PLAG1: variants seen among roughly 807,000 people sequenced by gnomAD.
PLAG1 encodes the protein zinc finger protein PLAG1.
Under a neutral mutation model 35.5 loss-of-function variants are expected in PLAG1, and 7 were observed. The observed-to-expected ratio is 0.20, with a 90% CI of 0.11 to 0.37. The LOEUF is 0.37. PLAG1 is among the 10% of genes least tolerant of loss of function. The probability of loss-of-function intolerance (pLI) is 1.00; values close to 1 mark genes in which losing one functional copy is unlikely to be tolerated. For synonymous variants in PLAG1, 229 were observed against 225.4 expected (o/e 1.02, Z -0.14); for missense variants, 454 against 602.8 (o/e 0.75, Z 2.58).
chr8:56,185,479 A>C (rs1191916546), intron 1 of PLAG1, among the ~76,000 whole-genome samples: 1 of 152,186 alleles, frequency 6.6e-6, no homozygotes, highest in Non-Finnish European at 1.5e-5. Context: ...GTACGAAAAT[A>C]AAACTTTCTG....
chr8:56,190,044 A>T (rs960848158), intron 1 of PLAG1, among the ~76,000 whole-genome samples: 1 of 152,228 alleles, frequency 6.6e-6, no homozygotes, highest in Admixed American at 6.5e-5. Flanking sequence ...GGTGACAGCA[A>T]GTCAAGTGGA....
chr8:56,166,152 T>C lies in PLAG1; in HGVS notation c.*91A>G. The C allele has an allele frequency of 2.3e-6, 2 of 874,008 alleles. No homozygotes were observed. 54.1% of individuals were successfully genotyped at this position (874,008 alleles called of 1,614,324 possible). A position where few individuals can be genotyped will look rare whatever the true frequency, so the allele number is the denominator to read the frequency against. On this transcript the variant is annotated 3_prime_UTR_variant, in exon 5 of 5. Coordinates refer to ENST00000316981, the MANE Select transcript of PLAG1 (RefSeq NM_002655.3). ...TGTATTATACAAAAGCAGAAATTTT[T>C]ATACTGTTTTAAAGTAGGCACTAAA...
chr8:56,210,658 G>A (rs530331668), intron 1 of PLAG1, among the ~76,000 whole-genome samples: 4 of 152,222 alleles, frequency 2.6e-5, no homozygotes, highest in African/African-American at 9.6e-5. Context: ...AATGCGGAGA[G>A]TTTACTCTCA....
intron 1 of PLAG1, among the ~76,000 whole-genome samples, chr8:56,181,251 T>C (rs543677559): frequency 7.2e-5 from 11 of 152,294 alleles, no homozygotes; most frequent in African/African-American, 2.6e-4. Flanking sequence ...CATTCTACTA[T>C]AAAGACACAT....
At chr8:56,178,735 T>C (rs1184823527) in intron 2 of PLAG1, among the ~76,000 whole-genome samples, 1 of 152,056 alleles carries the variant, frequency 6.6e-6, no homozygotes, top group African/African-American at 2.4e-5. Flanking sequence ...CTGGGGGTCC[T>C]GGCCTCTCAA....
intron 1 of PLAG1, among the ~76,000 whole-genome samples, chr8:56,181,416 A>T (rs1052969562): frequency 6.6e-6 from 1 of 152,248 alleles, no homozygotes; most frequent in Non-Finnish European, 1.5e-5. Flanking sequence ...TGTCCTTTGC[A>T]GAGACATGGA....
chr8:56,186,839 C>A (rs1443361891), intron 1 of PLAG1, among the ~76,000 whole-genome samples: 1 of 152,182 alleles, frequency 6.6e-6, no homozygotes, highest in African/African-American at 2.4e-5. Flanking sequence ...GCCTCAGCCT[C>A]CTGAGTAGCT....
At chr8:56,171,003 T>C (rs968291434) in intron 3 of PLAG1, 88 bp downstream of exon 3, 1 of 197,512 alleles carries the variant, frequency 5.1e-6, no homozygotes, top group Non-Finnish European at 9.2e-6. Context: ...CAAAATCTAA[T>C]AAAAGACCAC....
At chr8:56,190,691 G>C (rs1812156516) in intron 1 of PLAG1, among the ~76,000 whole-genome samples, 1 of 152,046 alleles carries the variant, frequency 6.6e-6, no homozygotes, top group Non-Finnish European at 1.5e-5. Flanking sequence ...TTATAATGCT[G>C]ACAGGAAGGA....
In PLAG1 at chr8:56,165,815, T is replaced by C. The variant is rs572006436; in HGVS notation, c.*428A>G. On this transcript the variant is annotated 3_prime_UTR_variant, in exon 5 of 5. Coordinates refer to ENST00000316981, the MANE Select transcript of PLAG1 (RefSeq NM_002655.3). ...GAAGCTAGTAAGAAAATTTAAACCC[T>C]TGAGTTATTCACAAACTTTTTATAC... is the stretch of plus-strand genomic sequence containing the variant. 287 of 196,392 alleles carry C rather than the reference T, an allele frequency of 1.5e-3. No homozygotes were observed. The highest frequency in any genetic ancestry group is 2.3e-3 in the Non-Finnish European group (217 of 94,628). The allele number at this position is 196,392 out of a possible 1,614,324, so 12.2% of individuals were successfully genotyped here. A position where few individuals can be genotyped will look rare whatever the true frequency, so the allele number is the denominator to read the frequency against.
chr8:56,204,910 T>C (rs1446026809), intron 1 of PLAG1, among the ~76,000 whole-genome samples: 2 of 151,888 alleles, frequency 1.3e-5, no homozygotes, highest in Non-Finnish European at 3.0e-5. Flanking sequence ...TCTCAAAATA[T>C]TTTCTAATAG....
chr8:56,164,414 ATT>A lies in PLAG1; in HGVS notation c.*1827_*1828del, dbSNP rs1337329641. 4.6e-6 allele frequency: 1 copy of A among 217,408 alleles called. No homozygotes were observed. The highest frequency in any genetic ancestry group is 9.3e-6 in the Non-Finnish European group (1 of 107,774). The allele number at this position is 217,408 out of a possible 1,614,324, so 13.5% of individuals were successfully genotyped here. ...TCCACAAATTATACTACTCCCAAAT[ATT>A]TTAAATAATGTATTATATTCAGTAA... On this transcript the variant is annotated 3_prime_UTR_variant, in exon 5 of 5. Transcript: ENST00000316981.
At chr8:56,173,175 TA>T (rs1461080561) in intron 2 of PLAG1, among the ~76,000 whole-genome samples, 22 of 152,164 alleles carry the variant, frequency 1.4e-4, no homozygotes, top group Non-Finnish European at 2.5e-4. Context: ...CAACACAGTT[TA>T]AAATTATGTA....
At chr8:56,168,513 A>G in intron 3 of PLAG1, 127 bp from the exon 4 acceptor site, 1 of 336,052 alleles carries the variant, frequency 3.0e-6, no homozygotes, top group Non-Finnish European at 5.4e-6. Flanking sequence ...CTAATGTAAT[A>G]TCATCACATT....
chr8:56,190,755 C>A (rs1170796302), intron 1 of PLAG1, among the ~76,000 whole-genome samples: 1 of 151,864 alleles, frequency 6.6e-6, no homozygotes, highest in African/African-American at 2.4e-5. Context: ...GGGGCAGTAC[C>A]CAGGGCATAA....
chr8:56,201,657 G>C (rs764397929), intron 1 of PLAG1, among the ~76,000 whole-genome samples: 1 of 152,140 alleles, frequency 6.6e-6, no homozygotes, highest in African/African-American at 2.4e-5. Context: ...CTATAGGTCT[G>C]TCCATTCTAA....
Position 56,178,693 on chromosome 8 carries a change from T to C in PLAG1, c.-217+716A>G, listed in dbSNP as rs973983081. Among the ~76,000 whole-genome samples, 3 of 152,052 alleles carry C rather than the reference T, an allele frequency of 2.0e-5. No individual in the cohort carries two copies. The East Asian group carries it at 5.8e-4, about 29-fold the overall frequency. Reference sequence around the variant, plus strand: ...CCCCTGGTATCTGTCACAGCCACCATTGTTTTTTTTTCCAGTCTCCCCGTC... The same window carrying C: ...CCCCTGGTATCTGTCACAGCCACCACTGTTTTTTTTTCCAGTCTCCCCGTC... On this transcript the variant is annotated intron_variant, in intron 2 of 4. Coordinates refer to ENST00000316981, the MANE Select transcript of PLAG1 (RefSeq NM_002655.3).
intron 1 of PLAG1, among the ~76,000 whole-genome samples, chr8:56,192,292 A>C (rs372200680): frequency 5.3e-5 from 8 of 152,350 alleles, no homozygotes; most frequent in East Asian, 1.9e-4. Context: ...CATTTAACTT[A>C]AGAAATAACC....
intron 3 of PLAG1, among the ~76,000 whole-genome samples, chr8:56,168,883 G>T (rs556405700): frequency 1.3e-5 from 2 of 152,292 alleles, no homozygotes; most frequent in South Asian, 4.1e-4. Context: ...GAACCATTGA[G>T]TCTGTGGAAG....
Sources: gnomAD v4.1 joint callset for allele counts (sites outside exome capture counted in the v4.1 genomes callset) on GRCh38, gnomAD v4.1.1 for gene constraint, MANE v1.5 for transcripts, NCBI Gene and HGNC (gene_info 2026-07-23, HGNC 2026-07-21) for gene names.